Variants in PTPRC observed in about 807,000 individuals in gnomAD.
The protein encoded by PTPRC is receptor-type tyrosine-protein phosphatase C.
In PTPRC, 44 loss-of-function variants were observed where a neutral mutation model predicts 155.9. The ratio of observed to expected loss-of-function variants is 0.28; its 90% CI spans 0.22 to 0.36. The LOEUF is 0.36. Among genes scored for constraint, PTPRC ranks in the 10% least tolerant of loss-of-function variants. The pLI is 1.00. For missense variants in PTPRC, 1,401 were observed against 1,564.6 expected (o/e 0.90, Z 1.76); for synonymous variants, 525 against 533.1 (o/e 0.98, Z 0.21).
intron 2 of PTPRC, chr1:198,679,628 A>G (rs1032773533): frequency 4.5e-5 from 11 of 242,402 alleles, no homozygotes; most frequent in Non-Finnish European, 8.4e-5. Context: ...CTCCAGATCC[A>G]TTGCTGAGGA....
chr1:198,734,516 A>G (rs191505183), intron 22 of PTPRC, 91 bp downstream of exon 22: 1 of 1,077,080 alleles, frequency 9.3e-7, no homozygotes, highest in East Asian at 2.4e-5. Context: ...TATCTGCCTG[A>G]TGACTAAAAC....
At chr1:198,667,564 G>A (rs1664394107) in intron 2 of PTPRC, among the ~76,000 whole-genome samples, 1 of 152,214 alleles carries the variant, frequency 6.6e-6, no homozygotes, top group African/African-American at 2.4e-5. Flanking sequence ...CAATAAAGGA[G>A]TAGGTGGCAC....
At chr1:198,653,795 C>T (rs1663390582) in intron 2 of PTPRC, among the ~76,000 whole-genome samples, 1 of 151,800 alleles carries the variant, frequency 6.6e-6, no homozygotes. Context: ...TATTTTAATT[C>T]ACCCATTATT....
At chr1:198,666,633 T>G (rs1404058487) in intron 2 of PTPRC, among the ~76,000 whole-genome samples, 1 of 152,200 alleles carries the variant, frequency 6.6e-6, no homozygotes, top group African/African-American at 2.4e-5. Context: ...AGACTTTTAT[T>G]CTGGCTTAGA....
intron 2 of PTPRC, among the ~76,000 whole-genome samples, chr1:198,646,104 C>T (rs1354721136): frequency 6.6e-6 from 1 of 151,640 alleles, no homozygotes; most frequent in Non-Finnish European, 1.5e-5. Context: ...TATGAGTTTT[C>T]CTTAAAGATA....
At chr1:198,697,169 A>G (rs370691433) in intron 4 of PTPRC, among the ~76,000 whole-genome samples, 45 of 152,246 alleles carry the variant, frequency 3.0e-4, no homozygotes, top group African/African-American at 1.0e-3. Flanking sequence ...TTGTTCTAGT[A>G]TCCTCTGATC....
chr1:198,661,784 T>G (rs1663983664), intron 2 of PTPRC, among the ~76,000 whole-genome samples: 1 of 152,196 alleles, frequency 6.6e-6, no homozygotes, highest in African/African-American at 2.4e-5. Flanking sequence ...ATAATAATAC[T>G]TCAAGTATTT....
At chr1:198,660,030 C>CATAT (rs34796231) in intron 2 of PTPRC, among the ~76,000 whole-genome samples, 3,293 of 114,982 alleles carry the variant, frequency 0.029, 144 homozygotes, top group African/African-American at 0.043. Context: ...TATATATGTC[C>CATAT]ATATATATAT....
chr1:198,651,926 C>T (rs1663275726), intron 2 of PTPRC, among the ~76,000 whole-genome samples: 1 of 151,774 alleles, frequency 6.6e-6, no homozygotes, highest in South Asian at 2.1e-4. Context: ...TATTCAGCCT[C>T]AGATTTGTTT....
intron 2 of PTPRC, among the ~76,000 whole-genome samples, chr1:198,655,362 G>C (rs949036712): frequency 6.6e-6 from 1 of 151,860 alleles, no homozygotes; most frequent in African/African-American, 2.4e-5. Context: ...CTATTTCAAC[G>C]CATCTATTTT....
intron 2 of PTPRC, among the ~76,000 whole-genome samples, chr1:198,680,232 T>A (rs57968427): frequency 0.017 from 2,604 of 152,248 alleles, 62 homozygotes; most frequent in African/African-American, 0.059. Flanking sequence ...GGCAGGCGGA[T>A]TACCTAAGGA....
intron 8 of PTPRC, among the ~76,000 whole-genome samples, chr1:198,704,775 G>T (rs1031703747): frequency 2.0e-5 from 3 of 152,162 alleles, no homozygotes; most frequent in East Asian, 3.8e-4. Context: ...CTTGCTGGGC[G>T]TCGAATTCAA....
In PTPRC at chr1:198,728,358, T is replaced by G. The variant is rs771312617; in HGVS notation, c.1739T>G (p.Ile580Arg). 1 of 1,612,886 alleles carries G rather than the reference T, an allele frequency of 6.2e-7. No individual in the cohort carries two copies. The highest frequency in any genetic ancestry group is 1.1e-5 in the South Asian group (1 of 91,064). Residue 580 changes from isoleucine to arginine, a missense_variant, in exon 16 of 33, where the codon ATA becomes AGA. By Grantham distance (97) the Ile-to-Arg change is moderately conservative. Transcript: ENST00000442510. Reference sequence around the variant, plus strand: ...TTTCTAGATAATTCTAAGGCACTGATAGCATTTCTGGCATTTCTGATTATT... The same window carrying G: ...TTTCTAGATAATTCTAAGGCACTGAGAGCATTTCTGGCATTTCTGATTATT... Reference protein sequence around the residue: ...HSTSYNSKALIAFLAFLIIVT... With the variant: ...HSTSYNSKALRAFLAFLIIVT...
At chr1:198,653,530 C>T (rs3767735) in intron 2 of PTPRC, among the ~76,000 whole-genome samples, 59,112 of 151,472 alleles carry the variant, frequency 0.39, 11,963 homozygotes, top group East Asian at 0.68. Flanking sequence ...AACATGAACT[C>T]CTATTCTGTA....
intron 2 of PTPRC, among the ~76,000 whole-genome samples, chr1:198,683,177 T>G (rs910132114): frequency 6.6e-6 from 1 of 152,178 alleles, no homozygotes; most frequent in Admixed American, 6.5e-5. Flanking sequence ...TTGTAGGATT[T>G]CTATAATGAT....
At chr1:198,674,135 C>T (rs897012996) in intron 2 of PTPRC, among the ~76,000 whole-genome samples, 20 of 152,272 alleles carry the variant, frequency 1.3e-4, no homozygotes, top group African/African-American at 4.8e-4. Context: ...ATTTGTTCCT[C>T]ATATGCAGTA....
intron 2 of PTPRC, among the ~76,000 whole-genome samples, chr1:198,662,444 C>CTCTG (rs1664020911): frequency 1.5e-5 from 2 of 131,150 alleles, no homozygotes; most frequent in Admixed American, 7.8e-5. Flanking sequence ...TTTCTGAGAG[C>CTCTG]TGTGTGTGTG....
Position 198,734,250 on chromosome 1 carries a change from C to T in PTPRC, c.2179+18C>T. 2 of 1,610,362 alleles carry T rather than the reference C, an allele frequency of 1.2e-6. No individual in the cohort carries two copies. Among genetic ancestry groups the T allele is most frequent in the Non-Finnish European group, 1.7e-6 (2 of 1,177,552 alleles). ...TGCACAAGGTAATTTCTTTGATAAT[C>T]CAATATTCTTTTTGAAAAATTTTTA... On this transcript the variant is annotated intron_variant, in intron 21 of 32. Coordinates refer to ENST00000442510, the MANE Select transcript of PTPRC (RefSeq NM_002838.5).
At chr1:198,652,883 G>A (rs1663333308) in intron 2 of PTPRC, among the ~76,000 whole-genome samples, 1 of 151,778 alleles carries the variant, frequency 6.6e-6, no homozygotes, top group Non-Finnish European at 1.5e-5. Context: ...TCGATGGTGT[G>A]GATGAAAGAA....
Sources: gnomAD v4.1 joint callset for allele counts (sites outside exome capture counted in the v4.1 genomes callset) on GRCh38, gnomAD v4.1.1 for gene constraint, MANE v1.5 for transcripts, NCBI Gene and HGNC (gene_info 2026-07-23, HGNC 2026-07-21) for gene names.